Variants in PPP1R3B observed in about 807,000 individuals in gnomAD.
PPP1R3B encodes the protein PP1 subunit R4.
PPP1R3B carries 8 observed loss-of-function variants against 14.6 expected under a neutral mutation model. That is an observed-to-expected ratio of 0.55 (90% CI 0.32 to 0.99). The LOEUF (loss-of-function observed/expected upper bound fraction) is 0.99, where lower values mean the gene tolerates loss of function less well. Ranked by LOEUF, PPP1R3B falls within the 50% of genes least tolerant of loss-of-function variation. The pLI, the probability that PPP1R3B is intolerant of heterozygous loss-of-function variation, is 0.04. For missense variants in PPP1R3B, 452 were observed against 360.1 expected, an observed-to-expected ratio of 1.26 and a Z score of -2.07; for synonymous variants, 169 against 142.0, an observed-to-expected ratio of 1.19 and a Z score of -1.35.
At chr8:9,146,243 A>G (rs1242296496) in intron 1 of PPP1R3B, among the ~76,000 whole-genome samples, 1 of 152,222 alleles carries the variant, frequency 6.6e-6, no homozygotes, top group African/African-American at 2.4e-5. Flanking sequence ...TAAAATCTCA[A>G]GTCTGAGAAT....
At chr8:9,148,879 C>T (rs920997857) in intron 1 of PPP1R3B, among the ~76,000 whole-genome samples, 1 of 152,210 alleles carries the variant, frequency 6.6e-6, no homozygotes, top group Non-Finnish European at 1.5e-5. Flanking sequence ...CTCTCTCTCT[C>T]TTTCTTCTGG....
In PPP1R3B at chr8:9,138,037, G is replaced by C. The variant is rs1428197261; in HGVS notation, c.*2757C>G. 1 of 152,138 alleles carries C rather than the reference G, an allele frequency of 6.6e-6. No individual in the cohort carries two copies. Among genetic ancestry groups the C allele is most frequent in the Non-Finnish European group, 1.5e-5 (1 of 68,028 alleles). 9.4% of individuals were successfully genotyped at this position (152,138 alleles called of 1,614,324 possible). A position where few individuals can be genotyped will look rare whatever the true frequency, so the allele number is the denominator to read the frequency against. On this transcript the variant is annotated 3_prime_UTR_variant, in exon 2 of 2. Transcript: ENST00000310455. The stretch of plus-strand genomic sequence containing the variant: ...ACTTTATTAAACAGAGTCACTTCAG[G>C]CCTTTTTCTTATGAACAGAGTGATC...
rs1273856874 is a variant in PPP1R3B, at chr8:9,136,484, C to G, written c.*4310G>C. On this transcript the variant is annotated 3_prime_UTR_variant, in exon 2 of 2. Transcript: ENST00000310455. ...CATTCACACTGAAGTAATAGTGAAA[C>G]ATCATCACAGCTGCACTCTCAAAGC... 13 of 152,198 alleles carry G rather than the reference C, an allele frequency of 8.5e-5. 1 individual carries two copies. The highest frequency in any genetic ancestry group is 7.9e-4 in the Admixed American group (12 of 15,278). The allele number at this position is 152,198 out of a possible 1,614,324, so 9.4% of individuals were successfully genotyped here.
rs144138782 is a variant in PPP1R3B at position 9,146,449 on chromosome 8, A to G, written c.-18+4114T>C. Among the ~76,000 whole-genome samples, 169 of 152,318 alleles carry G rather than the reference A, an allele frequency of 1.1e-3. 1 individual carries two copies. The highest frequency in any genetic ancestry group is 1.8e-3 in the Non-Finnish European group (122 of 68,024). The stretch of plus-strand genomic sequence containing the variant: ...GAGCTGGGACCACTGGTTCAGTTCT[A>G]TAAATAACCTCTCATTTTCACCTTC... On this transcript the variant is annotated intron_variant, in intron 1 of 1. Transcript: ENST00000310455.
intron 1 of PPP1R3B, among the ~76,000 whole-genome samples, chr8:9,150,103 C>G (rs1049694821): frequency 2.6e-5 from 4 of 152,152 alleles, no homozygotes; most frequent in African/African-American, 9.7e-5. Flanking sequence ...CAGCTGTCTT[C>G]ACTTTAGTTT....
At chr8:9,148,789 G>A (rs1273736419) in intron 1 of PPP1R3B, among the ~76,000 whole-genome samples, 1 of 152,166 alleles carries the variant, frequency 6.6e-6, no homozygotes, top group Non-Finnish European at 1.5e-5. Context: ...CTGAACTACT[G>A]ACTTTCTGGC....
rs753853607 is a variant in PPP1R3B at position 9,141,399 on chromosome 8, G to A, written c.253C>T (p.Pro85Ser). Residue 85 changes from proline (P) to serine (S), a missense_variant, in exon 2 of 2, where the codon CCG (proline) becomes TCG (serine). Physicochemically the swap from Pro to Ser is moderately conservative, Grantham distance 74 (BLOSUM62 -1). Transcript: ENST00000310455. ...GTGATGTTGAATGGCATATCTAGCGGGTCATCGAATTCCGAGAACACTTTG... is the reference window on the plus strand; with the variant it reads ...GTGATGTTGAATGGCATATCTAGCGAGTCATCGAATTCCGAGAACACTTTG... ...MVKVFSEFDD[P>S]LDMPFNITEL... The A allele has an allele frequency of 3.7e-6, 6 of 1,614,050 alleles. No homozygotes were observed. The highest frequency in any genetic ancestry group is 1.3e-5 in the African/African-American group (1 of 74,924).
chr8:9,151,488 G>C (rs1257671129), upstream of PPP1R3B: 1 of 176,856 alleles, frequency 5.7e-6, no homozygotes, highest in East Asian at 1.9e-4. Context: ...AAGTCCGTCC[G>C]TGCACGAGAG....
chr8:9,141,712 A>G (rs1164300062), intron 1 of PPP1R3B, 44 bp from the exon 2 acceptor site: 99 of 1,558,644 alleles, frequency 6.4e-5, no homozygotes, highest in Non-Finnish European at 2.6e-6. Flanking sequence ...ACAGTGGAGC[A>G]ATCAGATCAG....
chr8:9,143,831 G>T (rs907251219), intron 1 of PPP1R3B, among the ~76,000 whole-genome samples: 1 of 152,146 alleles, frequency 6.6e-6, no homozygotes, highest in Non-Finnish European at 1.5e-5. Context: ...GAATCATGCT[G>T]AAAGAGGATA....
At chr8:9,142,056 T>C (rs1235730670) in intron 1 of PPP1R3B, among the ~76,000 whole-genome samples, 1 of 152,246 alleles carries the variant, frequency 6.6e-6, no homozygotes, top group Non-Finnish European at 1.5e-5. Flanking sequence ...TCTATTTGAC[T>C]AAAAGGGTGT....
chr8:9,144,513 AG>A (rs1196102985), intron 1 of PPP1R3B, among the ~76,000 whole-genome samples: 1 of 152,182 alleles, frequency 6.6e-6, no homozygotes, highest in African/African-American at 2.4e-5. Context: ...CATTTTCATT[AG>A]TTAAAATTGG....
intron 1 of PPP1R3B, among the ~76,000 whole-genome samples, chr8:9,144,722 G>A (rs542480379): frequency 6.6e-6 from 1 of 152,244 alleles, no homozygotes; most frequent in East Asian, 1.9e-4. Flanking sequence ...ACATCCATGT[G>A]ATGTACTTTT....
chr8:9,148,188 G>C (rs1233406225), intron 1 of PPP1R3B, among the ~76,000 whole-genome samples: 1 of 152,188 alleles, frequency 6.6e-6, no homozygotes, highest in East Asian at 1.9e-4. Flanking sequence ...TAGCAACTGA[G>C]ATGTGCAAGG....
At chr8:9,141,755 CT>C in intron 1 of PPP1R3B, 87 bp from the exon 2 acceptor site, 4 of 1,298,362 alleles carry the variant, frequency 3.1e-6, no homozygotes, top group Admixed American at 2.5e-5. Flanking sequence ...CCAGCAGGGA[CT>C]GGCAAACAAT....
intron 1 of PPP1R3B, chr8:9,145,437 ATT>A (rs929031406): frequency 6.6e-6 from 1 of 152,078 alleles, no homozygotes; most frequent in Non-Finnish European, 1.5e-5. Context: ...TTTTCTTAAC[ATT>A]TTCTTTCCTT....
At chr8:9,145,215 G>A (rs887464551) in intron 1 of PPP1R3B, 1 of 152,132 alleles carries the variant, frequency 6.6e-6, no homozygotes, top group Non-Finnish European at 1.5e-5. Flanking sequence ...GAAAAATGCT[G>A]TTGTCACTTC....
In PPP1R3B at chr8:9,141,355, A is replaced by C; in HGVS notation, c.297T>G (p.Ile99Met). The C allele has an allele frequency of 6.2e-7, 1 of 1,614,164 alleles. No individual in the cohort carries two copies. Among genetic ancestry groups the C allele is most frequent in the Non-Finnish European group, 8.5e-7 (1 of 1,180,036 alleles). ...CGCTCTCTGCTGTCGTCAAGCTCAC[A>C]ATGTTGTCTAGGAGCTCGGTGATGT... ...PFNITELLDN[I>M]VSLTTAESES... Residue 99 changes from isoleucine (I) to methionine (M), a missense_variant, in exon 2 of 2, where the codon ATT (isoleucine) becomes ATG (methionine). Physicochemically the swap from Ile to Met is conservative, Grantham distance 10. Coordinates refer to ENST00000310455, the MANE Select transcript of PPP1R3B (RefSeq NM_024607.4).
rs1312902605 is a variant in PPP1R3B, at chr8:9,136,648, T to C, written c.*4146A>G. On this transcript the variant is annotated 3_prime_UTR_variant, in exon 2 of 2. Coordinates refer to ENST00000310455, the MANE Select transcript of PPP1R3B (RefSeq NM_024607.4). The stretch of plus-strand genomic sequence containing the variant: ...AACAGCTGTCCTTCCCAGTTCCACA[T>C]GTGTTGTCTCACTGCAGGAAATTAA... The C allele has an allele frequency of 6.6e-6, 1 of 152,218 alleles. No homozygotes were observed. The highest frequency in any genetic ancestry group is 1.5e-5 in the Non-Finnish European group (1 of 68,040). 9.4% of individuals were successfully genotyped at this position (152,218 alleles called of 1,614,324 possible).
Sources: gnomAD v4.1 joint callset for allele counts (sites outside exome capture counted in the v4.1 genomes callset) on GRCh38, gnomAD v4.1.1 for gene constraint, MANE v1.5 for transcripts, NCBI Gene and HGNC (gene_info 2026-07-23, HGNC 2026-07-21) for gene names.